The following ZFP1 variants were observed in gnomAD, a reference collection of about 807,000 sequenced individuals.
The protein encoded by ZFP1 is ZFP1 zinc finger protein.
ZFP1 carries 32 observed loss-of-function variants against 38.5 expected under a neutral mutation model. The ratio of observed to expected loss-of-function variants is 0.83; its 90% CI spans 0.63 to 1.12. The LOEUF is 1.12. ZFP1 is among the 50% of genes most tolerant of loss of function. The pLI is 0.00. For synonymous variants in ZFP1, 245 were observed against 168.8 expected (o/e 1.45, Z -3.50); for missense variants, 616 against 480.8 (o/e 1.28, Z -2.63).
the ZFP1 span, among the ~76,000 whole-genome samples, chr16:75,120,152 T>TGTGTGTGCGCATGTGC: frequency 3.3e-5 from 5 of 152,236 alleles, no homozygotes; most frequent in African/African-American, 1.2e-4. Context: ...GTGGTGTGTG[T>TGTGTGTGCGCATGTGC]GTGTGTGCGC....
the ZFP1 span, among the ~76,000 whole-genome samples, chr16:75,141,457 G>A: frequency 2.0e-5 from 3 of 151,610 alleles, no homozygotes; most frequent in African/African-American, 2.4e-5. Flanking sequence ...CGCCCGCCTC[G>A]GCCTCCCAAA....
chr16:75,167,787 C>G (rs145391335), intron 3 of ZFP1, among the ~76,000 whole-genome samples: 1 of 152,158 alleles, frequency 6.6e-6, no homozygotes, highest in Non-Finnish European at 1.5e-5. Flanking sequence ...TTTGTAGAGA[C>G]AAGTTCTCTG....
At chr16:75,156,907 A>G (rs767116895) in intron 2 of ZFP1, among the ~76,000 whole-genome samples, 6 of 152,212 alleles carry the variant, frequency 3.9e-5, no homozygotes, top group Admixed American at 6.5e-5. Flanking sequence ...GGCCAGGCTC[A>G]CCCAGGCATT....
At chr16:75,167,459 C>A (rs1203634271) in intron 3 of ZFP1, among the ~76,000 whole-genome samples, 1 of 151,698 alleles carries the variant, frequency 6.6e-6, no homozygotes, top group African/African-American at 2.4e-5. Flanking sequence ...CTGAAACTTT[C>A]CTAACATATC....
At chr16:75,163,404 C>T (rs895967253) in intron 2 of ZFP1, among the ~76,000 whole-genome samples, 4 of 150,768 alleles carry the variant, frequency 2.7e-5, no homozygotes, top group Non-Finnish European at 5.9e-5. Context: ...TTTTGCCTCC[C>T]GGGTTCAAGC....
At chr16:75,159,379 TCCTTC>T (rs1458567740) in intron 2 of ZFP1, among the ~76,000 whole-genome samples, 2 of 22,516 alleles carry the variant, frequency 8.9e-5, no homozygotes, top group Non-Finnish European at 2.4e-4. Flanking sequence ...CTCCCTCCCT[TCCTTC>T]CTTTCTCTCT....
At chr16:75,137,967 C>CAAAT in the ZFP1 span, among the ~76,000 whole-genome samples, 1 of 148,008 alleles carries the variant, frequency 6.8e-6, no homozygotes, top group Admixed American at 6.8e-5. Context: ...TGCAGAATTC[C>CAAAT]AAATAAATTA....
intron 2 of ZFP1, 42 bp from the exon 3 acceptor site, chr16:75,166,728 C>G: frequency 1.2e-6 from 2 of 1,613,670 alleles, no homozygotes; most frequent in South Asian, 2.2e-5. Context: ...TTCTATATCA[C>G]CAAATGATCA....
chr16:75,161,101 C>G (rs754569259), intron 2 of ZFP1, among the ~76,000 whole-genome samples: 1 of 151,974 alleles, frequency 6.6e-6, no homozygotes, highest in South Asian at 2.1e-4. Flanking sequence ...GAGTCTTGCT[C>G]TTGTTGCCCA....
the ZFP1 span, among the ~76,000 whole-genome samples, chr16:75,140,350 CT>C: frequency 6.6e-6 from 1 of 151,958 alleles, no homozygotes; most frequent in Admixed American, 6.6e-5. Flanking sequence ...AGGAGGACCA[CT>C]TGAGCTCAGG....
intron 3 of ZFP1, among the ~76,000 whole-genome samples, chr16:75,168,341 T>G (rs11645602): frequency 0.093 from 14,084 of 152,048 alleles, 1,231 homozygotes; most frequent in African/African-American, 0.22. Context: ...GCTGAACACA[T>G]TGAAAGAAGT....
chr16:75,162,996 G>A (rs542669898), intron 2 of ZFP1, among the ~76,000 whole-genome samples: 13 of 150,286 alleles, frequency 8.7e-5, no homozygotes, highest in Non-Finnish European at 1.6e-4. Flanking sequence ...TGCAAGCTCC[G>A]CCTCCTGGGT....
chr16:75,157,222 T>TA (rs2037513200), intron 2 of ZFP1: 2 of 150,996 alleles, frequency 1.3e-5, no homozygotes, highest in African/African-American at 4.9e-5. Context: ...GTATGTTTTT[T>TA]AGGCTGAATT....
chr16:75,148,372 G>T (rs555985832), upstream of ZFP1: 2 of 152,192 alleles, frequency 1.3e-5, no homozygotes, highest in Non-Finnish European at 2.9e-5. Flanking sequence ...CTAACAAGGC[G>T]AAGACTTTCC....
chr16:75,155,243 G>A (rs2037413397), intron 2 of ZFP1, among the ~76,000 whole-genome samples: 1 of 152,192 alleles, frequency 6.6e-6, no homozygotes, highest in Admixed American at 6.5e-5. Context: ...CAGTCCTCCT[G>A]CCTAAATCCC....
intron 3 of ZFP1, 100 bp downstream of exon 3, chr16:75,166,996 G>T: frequency 6.6e-7 from 1 of 1,522,160 alleles, no homozygotes; most frequent in Non-Finnish European, 8.8e-7. Flanking sequence ...AATGTTTTTG[G>T]CCTAAGTCCT....
At chr16:75,156,309 T>C (rs2037467146) in intron 2 of ZFP1, among the ~76,000 whole-genome samples, 1 of 152,036 alleles carries the variant, frequency 6.6e-6, no homozygotes, top group South Asian at 2.1e-4. Flanking sequence ...CAAAAAAAAT[T>C]AGCCGGGCGT....
the ZFP1 span, among the ~76,000 whole-genome samples, chr16:75,127,345 G>T: frequency 1.3e-5 from 2 of 152,032 alleles, no homozygotes; most frequent in Non-Finnish European, 2.9e-5. Context: ...TGCCTCCTGG[G>T]CTCAAGTGAT....
chr16:75,119,804 G>A, the ZFP1 span, among the ~76,000 whole-genome samples: 1 of 152,180 alleles, frequency 6.6e-6, no homozygotes, highest in Admixed American at 6.5e-5. Context: ...TACAAAGGAA[G>A]TCCCAAATTA....
Sources: allele counts gnomAD v4.1 joint callset (sites outside exome capture counted in the v4.1 genomes callset), GRCh38; gene constraint gnomAD v4.1.1; transcripts MANE v1.5; gene names NCBI Gene and HGNC (gene_info 2026-07-23, HGNC 2026-07-21).